PTPRM: variants seen among roughly 807,000 people sequenced by gnomAD.
The protein encoded by PTPRM is protein tyrosine phosphatase receptor type M.
PTPRM carries 47 observed loss-of-function variants against 186.7 expected under a neutral mutation model. That is an observed-to-expected ratio of 0.25 (90% CI 0.20 to 0.32). The LOEUF (loss-of-function observed/expected upper bound fraction) is 0.32, where lower values mean the gene tolerates loss of function less well. Ranked by LOEUF, PTPRM falls within the 10% of genes least tolerant of loss-of-function variation. The pLI, the probability that PTPRM is intolerant of heterozygous loss-of-function variation, is 1.00. For missense variants in PTPRM, 1,494 were observed against 1,865.0 expected (o/e 0.80, Z 3.66); for synonymous variants, 668 against 674.9 (o/e 0.99, Z 0.16).
chr18:8,080,621 A>C (rs2090075613), intron 9 of PTPRM, among the ~76,000 whole-genome samples: 1 of 152,184 alleles, frequency 6.6e-6, no homozygotes, highest in Non-Finnish European at 1.5e-5. Flanking sequence ...AAGACACCTT[A>C]ATATCCTTAG....
At chr18:7,880,907 C>T (rs1291584529) in intron 2 of PTPRM, among the ~76,000 whole-genome samples, 1 of 152,110 alleles carries the variant, frequency 6.6e-6, no homozygotes, top group Non-Finnish European at 1.5e-5. Flanking sequence ...GGAGGAGTTG[C>T]ATTATGGTCT....
intron 14 of PTPRM, among the ~76,000 whole-genome samples, chr18:8,163,917 T>A (rs780162171): frequency 5.1e-4 from 78 of 152,224 alleles, no homozygotes; most frequent in Middle Eastern, 3.2e-3. Flanking sequence ...TTTAGTTAAA[T>A]CGAGGACACT....
At chr18:7,981,016 C>T (rs1387873025) in intron 7 of PTPRM, among the ~76,000 whole-genome samples, 1 of 152,090 alleles carries the variant, frequency 6.6e-6, no homozygotes, top group Non-Finnish European at 1.5e-5. Context: ...CCATCAGTTC[C>T]CCTTGTTTTT....
intron 7 of PTPRM, among the ~76,000 whole-genome samples, chr18:8,068,369 A>T (rs567656692): frequency 3.3e-4 from 50 of 152,190 alleles, no homozygotes; most frequent in African/African-American, 1.2e-3. Context: ...TTTTCCTAAA[A>T]CCCTGAATGC....
chr18:7,980,586 G>T (rs1452885114), intron 7 of PTPRM, among the ~76,000 whole-genome samples: 1 of 151,920 alleles, frequency 6.6e-6, no homozygotes, highest in African/African-American at 2.4e-5. Flanking sequence ...GCCTCACTAT[G>T]TTGCCCAGGC....
intron 2 of PTPRM, among the ~76,000 whole-genome samples, chr18:7,812,466 G>C (rs1229962183): frequency 6.6e-6 from 1 of 152,204 alleles, no homozygotes; most frequent in African/African-American, 2.4e-5. Flanking sequence ...GCAGTGGAAA[G>C]TGAGCCTCTT....
At chr18:7,625,357 A>C (rs1349855254) in intron 1 of PTPRM, among the ~76,000 whole-genome samples, 2 of 152,208 alleles carry the variant, frequency 1.3e-5, no homozygotes, top group Non-Finnish European at 2.9e-5. Context: ...AGATGTTTTT[A>C]AAAGTCAAGT....
chr18:8,024,698 T>TTTTTTA (rs1555695329), intron 7 of PTPRM, among the ~76,000 whole-genome samples: 3 of 151,130 alleles, frequency 2.0e-5, no homozygotes, highest in African/African-American at 7.3e-5. Flanking sequence ...TTTTTTTTTT[T>TTTTTTA]ACTGAGTCAG....
intron 4 of PTPRM, among the ~76,000 whole-genome samples, chr18:7,918,070 TTGTGTGTTTGTGTG>T (rs1346592023): frequency 8.4e-6 from 1 of 118,908 alleles, no homozygotes; most frequent in African/African-American, 4.1e-5. Flanking sequence ...TATTGTGTTC[TTGTGTGTTTGTGTG>T]TGTGTGTGTG....
At chr18:7,681,426 T>G (rs1355335168) in intron 1 of PTPRM, among the ~76,000 whole-genome samples, 1 of 152,100 alleles carries the variant, frequency 6.6e-6, no homozygotes, top group East Asian at 1.9e-4. Flanking sequence ...TAATTGTTGG[T>G]TTACAGGGAA....
chr18:7,712,562 A>T (rs1236572938), intron 1 of PTPRM, among the ~76,000 whole-genome samples: 1 of 152,046 alleles, frequency 6.6e-6, no homozygotes, highest in Non-Finnish European at 1.5e-5. Context: ...GGGTAATAAC[A>T]ATCTCCTGCG....
intron 1 of PTPRM, among the ~76,000 whole-genome samples, chr18:7,663,278 A>G (rs1261074647): frequency 3.3e-5 from 5 of 152,172 alleles, no homozygotes; most frequent in Non-Finnish European, 7.3e-5. Flanking sequence ...ACTAGTTAAA[A>G]ACTTAACTCT....
At chr18:8,095,575 G>C (rs1349088880) in intron 11 of PTPRM, among the ~76,000 whole-genome samples, 1 of 152,116 alleles carries the variant, frequency 6.6e-6, no homozygotes, top group African/African-American at 2.4e-5. Context: ...ATGTAAGGAA[G>C]AGCTGCAGCA....
intron 11 of PTPRM, among the ~76,000 whole-genome samples, chr18:8,096,405 A>G (rs2091018705): frequency 6.6e-6 from 1 of 152,230 alleles, no homozygotes; most frequent in South Asian, 2.1e-4. Flanking sequence ...GGCGAGAGCC[A>G]GGTTGTGTTA....
intron 14 of PTPRM, among the ~76,000 whole-genome samples, chr18:8,231,278 G>A (rs2094282828): frequency 6.6e-6 from 1 of 152,152 alleles, no homozygotes; most frequent in African/African-American, 2.4e-5. Context: ...AATAGACCAG[G>A]ACTGGGAGGA....
intron 13 of PTPRM, among the ~76,000 whole-genome samples, chr18:8,126,348 T>A (rs947864006): frequency 2.0e-5 from 3 of 151,974 alleles, no homozygotes; most frequent in Non-Finnish European, 4.4e-5. Flanking sequence ...ACAAAATATC[T>A]CTTTTTAATA....
At chr18:8,360,394 A>C (rs949179175) in intron 23 of PTPRM, among the ~76,000 whole-genome samples, 1 of 113,780 alleles carries the variant, frequency 8.8e-6, no homozygotes, top group African/African-American at 3.6e-5. Flanking sequence ...CGTGAAATCT[A>C]TGCAAAAAAA....
chr18:8,281,301 C>CA (rs1372454316), intron 19 of PTPRM, among the ~76,000 whole-genome samples: 1 of 152,192 alleles, frequency 6.6e-6, no homozygotes, highest in African/African-American at 2.4e-5. Flanking sequence ...GACATCCTGG[C>CA]AGATCCACTG....
rs148670317 is a variant in PTPRM, at chr18:8,017,067, G to A, written c.1133-52619G>A. ...TCATCTATAAATTACATACGAGTGGGGTAGCTCTATTTCTTGCTAATTCCT... is the reference window on the plus strand; with the variant it reads ...TCATCTATAAATTACATACGAGTGGAGTAGCTCTATTTCTTGCTAATTCCT... On this transcript the variant is annotated intron_variant, in intron 7 of 32. Transcript: ENST00000580170. 8.2e-3 allele frequency among the ~76,000 whole-genome samples: 1,247 copies of A among 152,076 alleles called. 7 individuals carry two copies. The highest frequency in any genetic ancestry group is 0.034 in the South Asian group (162 of 4,790).
Sources: gnomAD v4.1 joint callset for allele counts (sites outside exome capture counted in the v4.1 genomes callset) on GRCh38, gnomAD v4.1.1 for gene constraint, MANE v1.5 for transcripts, NCBI Gene and HGNC (gene_info 2026-07-23, HGNC 2026-07-21) for gene names.